The following CNTNAP4 variants were observed in gnomAD, a reference collection of about 807,000 sequenced individuals.
CNTNAP4 encodes contactin associated protein family member 4.
In CNTNAP4, 98 loss-of-function variants were observed where a neutral mutation model predicts 148.4. The ratio of observed to expected loss-of-function variants is 0.66; its 90% CI spans 0.56 to 0.78. The LOEUF is 0.78. Ranked by LOEUF, CNTNAP4 falls within the 30% of genes least tolerant of loss-of-function variation. CNTNAP4 has a pLI of 0.00. For synonymous variants in CNTNAP4, 730 were observed against 565.1 expected (o/e 1.29, Z -4.14); for missense variants, 1,935 against 1,565.6 (o/e 1.24, Z -3.98).
chr16:76,516,787 G>T (rs568936155), intron 15 of CNTNAP4, among the ~76,000 whole-genome samples: 49 of 152,360 alleles, frequency 3.2e-4, no homozygotes, highest in Middle Eastern at 3.4e-3. Context: ...TTCTGGGCCA[G>T]AAGTGGTGGC....
chr16:76,517,713 A>G (rs1185153408), intron 15 of CNTNAP4, among the ~76,000 whole-genome samples: 4 of 152,208 alleles, frequency 2.6e-5, no homozygotes, highest in East Asian at 3.9e-4. Flanking sequence ...AAAGTGTGCT[A>G]TTGAATGGCT....
chr16:76,337,056 A>G (rs576249697), intron 2 of CNTNAP4, among the ~76,000 whole-genome samples: 4 of 152,242 alleles, frequency 2.6e-5, no homozygotes, highest in Admixed American at 2.0e-4. Context: ...CTATCTTCTC[A>G]TAAAACAACC....
Position 76,416,654 on chromosome 16 carries a change from C to T in CNTNAP4, c.391-10798C>T, listed in dbSNP as rs181852704. Among the ~76,000 whole-genome samples, 12 of 151,260 alleles carry T rather than the reference C, an allele frequency of 7.9e-5. No individual in the cohort carries two copies. In the East Asian group the frequency reaches 1.8e-3, roughly 22 times the overall value. ...AATTTGCAAGAGTGTGTTTTATGAC[C>T]GATAATACATGGTGAATGTTCCATG... is the stretch of plus-strand genomic sequence containing the variant. On this transcript the variant is annotated intron_variant, in intron 3 of 23. Transcript: ENST00000611870.
intron 21 of CNTNAP4, among the ~76,000 whole-genome samples, chr16:76,543,589 A>G (rs1418271903): frequency 6.6e-6 from 1 of 152,214 alleles, no homozygotes; most frequent in Non-Finnish European, 1.5e-5. Flanking sequence ...AAGAGAGGGA[A>G]AATTAGACAG....
intron 1 of CNTNAP4, among the ~76,000 whole-genome samples, chr16:76,308,118 G>A (rs1235989804): frequency 1.0e-5 from 1 of 99,864 alleles, no homozygotes; most frequent in Non-Finnish European, 2.1e-5. Flanking sequence ...TTAAATTGCA[G>A]GAACATTTTT....
chr16:76,485,587 C>T (rs35900964), intron 12 of CNTNAP4, among the ~76,000 whole-genome samples: 19,833 of 152,104 alleles, frequency 0.13, 1,409 homozygotes, highest in East Asian at 0.21. Flanking sequence ...CACCCCTTCT[C>T]ATGGTCCCAT....
intron 3 of CNTNAP4, among the ~76,000 whole-genome samples, chr16:76,397,970 A>T (rs956177279): frequency 3.6e-5 from 2 of 55,022 alleles, no homozygotes; most frequent in African/African-American, 1.6e-4. Context: ...ATATATATAT[A>T]TATATATATA....
At position 76,558,486 on chromosome 16, in the gene CNTNAP4, C is replaced by T. The variant is rs2085286685; in HGVS notation, c.3734-4C>T. 1 of 1,561,760 alleles carries T rather than the reference C, an allele frequency of 6.4e-7. No individual in the cohort carries two copies. The highest frequency in any genetic ancestry group is 1.4e-5 in the African/African-American group (1 of 73,704). ...CTGACTTTATATTTCTTTTCTCTCT[C>T]TAGGTCTGATAGCTGTTGTGATTTT... On this transcript the variant is annotated splice_polypyrimidine_tract_variant and splice_region_variant and intron_variant, in intron 23 of 23. Transcript: ENST00000611870.
intron 2 of CNTNAP4, among the ~76,000 whole-genome samples, chr16:76,330,241 T>C (rs1355983819): frequency 6.6e-6 from 1 of 152,202 alleles, no homozygotes; most frequent in Non-Finnish European, 1.5e-5. Context: ...ATTTCTCCCT[T>C]GATCCCTCCT....
At chr16:76,325,317 T>A (rs1480124384) in intron 2 of CNTNAP4, among the ~76,000 whole-genome samples, 1 of 152,172 alleles carries the variant, frequency 6.6e-6, no homozygotes, top group Non-Finnish European at 1.5e-5. Context: ...CTCTGTGTAG[T>A]TATTTATATA....
Position 76,277,637 on chromosome 16 carries a change from T to C in CNTNAP4, c.-26T>C, listed in dbSNP as rs746772062. On this transcript the variant is annotated 5_prime_UTR_variant, in exon 1 of 24. Transcript: ENST00000611870. ...GCGCTCTGAGAGCCTCTCAAGATCT[T>C]TTGGGGGAGCCCAATAAATGTGAAC... The C allele has an allele frequency of 2.6e-6, 4 of 1,554,470 alleles. No individual in the cohort carries two copies. The highest frequency in any genetic ancestry group is 1.4e-5 in the African/African-American group (1 of 73,778).
intron 2 of CNTNAP4, among the ~76,000 whole-genome samples, chr16:76,349,485 T>A (rs920421553): frequency 2.0e-5 from 3 of 152,110 alleles, no homozygotes; most frequent in African/African-American, 7.2e-5. Context: ...ATTAAAAGGC[T>A]CTAAATGGTG....
intron 1 of CNTNAP4, among the ~76,000 whole-genome samples, chr16:76,309,236 G>T (rs1183432212): frequency 6.6e-6 from 1 of 152,118 alleles, no homozygotes; most frequent in Non-Finnish European, 1.5e-5. Context: ...GTGAGGATGA[G>T]ATGGCAGAGC....
At chr16:76,358,653 G>A (rs1222497019) in intron 3 of CNTNAP4, among the ~76,000 whole-genome samples, 3 of 152,108 alleles carry the variant, frequency 2.0e-5, no homozygotes, top group African/African-American at 7.2e-5. Context: ...TGAGATTACT[G>A]GTCACATTGG....
At chr16:76,526,520 C>G (rs1347036848) in intron 17 of CNTNAP4, among the ~76,000 whole-genome samples, 3 of 152,008 alleles carry the variant, frequency 2.0e-5, no homozygotes, top group African/African-American at 7.2e-5. Context: ...GTGCTGCAGG[C>G]TAAAGTAGAC....
intron 17 of CNTNAP4, among the ~76,000 whole-genome samples, chr16:76,528,448 T>C (rs116404710): frequency 1.4e-4 from 21 of 152,252 alleles, no homozygotes; most frequent in African/African-American, 4.8e-4. Flanking sequence ...GTATTTTTTG[T>C]AGAGACGCAG....
intron 2 of CNTNAP4, among the ~76,000 whole-genome samples, chr16:76,338,912 G>C (rs1033288443): frequency 1.3e-5 from 2 of 152,148 alleles, no homozygotes; most frequent in African/African-American, 4.8e-5. Context: ...AGTGATCTCT[G>C]TTTATAGCCA....
chr16:76,301,064 C>G (rs959967498), intron 1 of CNTNAP4, among the ~76,000 whole-genome samples: 1 of 151,900 alleles, frequency 6.6e-6, no homozygotes, highest in African/African-American at 2.4e-5. Context: ...TTATAACTTA[C>G]AGACATGAAA....
intron 3 of CNTNAP4, among the ~76,000 whole-genome samples, chr16:76,381,951 C>G (rs778850471): frequency 4.1e-5 from 6 of 148,008 alleles, no homozygotes; most frequent in African/African-American, 1.5e-4. Flanking sequence ...CCCAGCTACT[C>G]GGGAGGCTGA....
Sources: gnomAD v4.1 joint callset for allele counts (sites outside exome capture counted in the v4.1 genomes callset) on GRCh38, gnomAD v4.1.1 for gene constraint, MANE v1.5 for transcripts, NCBI Gene and HGNC (gene_info 2026-07-23, HGNC 2026-07-21) for gene names.